TRA2A: variants seen among roughly 807,000 people sequenced by gnomAD.
TRA2A encodes the protein transformer-2 protein homolog alpha.
In TRA2A, 31 loss-of-function variants were observed where a neutral mutation model predicts 45.7. The ratio of observed to expected loss-of-function variants is 0.68; its 90% CI spans 0.51 to 0.92. The LOEUF (loss-of-function observed/expected upper bound fraction) is 0.92, where lower values mean the gene tolerates loss of function less well. Ranked by LOEUF, TRA2A falls within the 40% of genes least tolerant of loss-of-function variation. TRA2A has a pLI of 0.00. For synonymous variants in TRA2A, 132 were observed against 126.2 expected, an observed-to-expected ratio of 1.05 and a Z score of -0.31; for missense variants, 304 against 367.5, an observed-to-expected ratio of 0.83 and a Z score of 1.41.
intron 6 of TRA2A, 33 bp from the exon 7 acceptor site, chr7:23,505,846 T>A: frequency 7.6e-7 from 1 of 1,307,880 alleles, no homozygotes; most frequent in Non-Finnish European, 1.1e-6. Flanking sequence ...TAGCATACTA[T>A]ATAATCACTC....
rs1790603538 is a variant in TRA2A, at chr7:23,531,893, C to T, written c.-69G>A. 1 of 1,553,130 alleles carries T rather than the reference C, an allele frequency of 6.4e-7. No individual in the cohort carries two copies. The highest frequency in any genetic ancestry group is 1.7e-5 in the Admixed American group (1 of 59,672). ...GCTCGAGGGCCGATGGCCTAATTAACCCGCTGACTGGACCGTGGGGAAGAG... is the reference window on the plus strand; with the variant it reads ...GCTCGAGGGCCGATGGCCTAATTAATCCGCTGACTGGACCGTGGGGAAGAG... On this transcript the variant is annotated 5_prime_UTR_variant, in exon 1 of 8. Transcript: ENST00000297071.
intron 4 of TRA2A, among the ~76,000 whole-genome samples, chr7:23,511,337 C>T (rs1218340772): frequency 2.4e-5 from 3 of 126,908 alleles, no homozygotes; most frequent in Admixed American, 9.9e-5. Context: ...CGCCACTGCA[C>T]TCCAGCCTGG....
At position 23,512,880 on chromosome 7, in the gene TRA2A, A is replaced by G. The variant is rs1428175248; in HGVS notation, c.525+14T>C. 6.9e-6 allele frequency: 11 copies of G among 1,594,518 alleles called. No individual in the cohort carries two copies. The highest frequency in any genetic ancestry group is 9.4e-6 in the Non-Finnish European group (11 of 1,168,514). ...ATTCAGTACTATAATCAGGCATATAAAAGACAAATTTACCTCCTTTGAGTC... is the reference window on the plus strand; with the variant it reads ...ATTCAGTACTATAATCAGGCATATAGAAGACAAATTTACCTCCTTTGAGTC... On this transcript the variant is annotated intron_variant, in intron 4 of 7. Transcript: ENST00000297071.
chr7:23,515,494 AG>A (rs1404659961), intron 3 of TRA2A, among the ~76,000 whole-genome samples: 4 of 149,562 alleles, frequency 2.7e-5, no homozygotes, highest in African/African-American at 9.9e-5. Flanking sequence ...TGGGATTACA[AG>A]TGTGAGCCAC....
chr7:23,529,853 C>CTTT (rs11415684), intron 1 of TRA2A, among the ~76,000 whole-genome samples: 50,178 of 140,804 alleles, frequency 0.36, 9,264 homozygotes, highest in African/African-American at 0.42. Context: ...GGGTGGGAAT[C>CTTT]TTTTTTTTTT....
At chr7:23,516,576 A>C (rs774319382) in intron 2 of TRA2A, 48 bp from the exon 3 acceptor site, 2 of 1,568,476 alleles carry the variant, frequency 1.3e-6, no homozygotes, top group East Asian at 2.2e-5. Context: ...AAAATGGCTA[A>C]AGTCCTTCCC....
intron 2 of TRA2A, among the ~76,000 whole-genome samples, chr7:23,520,636 A>G (rs552163969): frequency 6.7e-6 from 1 of 148,386 alleles, no homozygotes; most frequent in East Asian, 2.0e-4. Context: ...CTATCCCTCC[A>G]CCCAAGAAAT....
chr7:23,507,816 G>A (rs1251757478), intron 4 of TRA2A, among the ~76,000 whole-genome samples: 1 of 151,942 alleles, frequency 6.6e-6, no homozygotes, highest in East Asian at 1.9e-4. Context: ...TCAACAAAGA[G>A]TAGTTAACAA....
chr7:23,528,874 A>G (rs1181790351), intron 1 of TRA2A, among the ~76,000 whole-genome samples: 2 of 152,140 alleles, frequency 1.3e-5, no homozygotes, highest in African/African-American at 4.8e-5. Flanking sequence ...TCAAGAAGCC[A>G]GAAGAAATCC....
At chr7:23,527,387 T>C (rs910688237) in intron 1 of TRA2A, among the ~76,000 whole-genome samples, 1 of 152,194 alleles carries the variant, frequency 6.6e-6, no homozygotes, top group Non-Finnish European at 1.5e-5. Flanking sequence ...CATCTAGTTG[T>C]TACTATTTTT....
intron 4 of TRA2A, among the ~76,000 whole-genome samples, chr7:23,507,755 C>G (rs1789410445): frequency 6.6e-6 from 1 of 152,138 alleles, no homozygotes. Context: ...AATAAACTTT[C>G]CCAAATAATT....
chr7:23,506,483 T>C (rs1039418990), intron 5 of TRA2A: 6 of 472,352 alleles, frequency 1.3e-5, no homozygotes, highest in Non-Finnish European at 1.8e-5. Context: ...CTCTCAAAAC[T>C]ATTAACTGCT....
intron 2 of TRA2A, 134 bp downstream of exon 2, chr7:23,521,573 T>C: frequency 1.9e-6 from 2 of 1,028,976 alleles, no homozygotes; most frequent in Middle Eastern, 3.2e-4. Flanking sequence ...ATAGTATTCA[T>C]TTACAAAGAG....
chr7:23,519,348 T>C (rs1330916677), intron 2 of TRA2A, among the ~76,000 whole-genome samples: 1 of 152,132 alleles, frequency 6.6e-6, no homozygotes, highest in East Asian at 1.9e-4. Context: ...GAGGCCACTG[T>C]ACTCCAGCCT....
At chr7:23,514,906 T>C (rs1367859986) in intron 3 of TRA2A, among the ~76,000 whole-genome samples, 1 of 152,228 alleles carries the variant, frequency 6.6e-6, no homozygotes, top group East Asian at 1.9e-4. Flanking sequence ...TAGTACAGCA[T>C]GCAAACATGT....
chr7:23,517,414 C>G (rs1241893584), intron 2 of TRA2A, among the ~76,000 whole-genome samples: 1 of 130,132 alleles, frequency 7.7e-6, no homozygotes, highest in African/African-American at 2.9e-5. Context: ...GAAGGCGGAG[C>G]TTGCAGTGGG....
At chr7:23,529,506 C>T (rs1183965295) in intron 1 of TRA2A, among the ~76,000 whole-genome samples, 2 of 152,160 alleles carry the variant, frequency 1.3e-5, no homozygotes, top group Non-Finnish European at 2.9e-5. Flanking sequence ...GTAATCCACC[C>T]GCCTCAGCCT....
At chr7:23,517,255 G>C (rs1789915003) in intron 2 of TRA2A, among the ~76,000 whole-genome samples, 2 of 150,948 alleles carry the variant, frequency 1.3e-5, no homozygotes, top group South Asian at 4.2e-4. Flanking sequence ...GGCCGAGGCG[G>C]GCGGATCACG....
intron 3 of TRA2A, among the ~76,000 whole-genome samples, chr7:23,515,937 G>C (rs1025724981): frequency 5.3e-5 from 8 of 151,696 alleles, no homozygotes; most frequent in African/African-American, 1.9e-4. Context: ...CACTTTGGGA[G>C]GCCAAGGCAG....
Sources: gnomAD v4.1 joint callset for allele counts (sites outside exome capture counted in the v4.1 genomes callset) on GRCh38, gnomAD v4.1.1 for gene constraint, MANE v1.5 for transcripts, NCBI Gene and HGNC (gene_info 2026-07-23, HGNC 2026-07-21) for gene names.